The following EPHA6 variants were observed in gnomAD, a reference collection of about 807,000 sequenced individuals.
EPHA6 encodes the protein ephrin type-A receptor 6.
EPHA6 carries 50 observed loss-of-function variants against 112.0 expected under a neutral mutation model. The observed-to-expected ratio is 0.45, with a 90% CI of 0.36 to 0.56. The LOEUF is 0.56. Among genes scored for constraint, EPHA6 ranks in the 20% least tolerant of loss-of-function variants. The pLI is 0.00. For synonymous variants in EPHA6, 529 were observed against 490.7 expected (o/e 1.08, Z -1.03); for missense variants, 1,280 against 1,417.4 (o/e 0.90, Z 1.56).
At chr3:97,359,019 C>A (rs1226606563) in intron 5 of EPHA6, among the ~76,000 whole-genome samples, 7 of 149,350 alleles carry the variant, frequency 4.7e-5, no homozygotes, top group Non-Finnish European at 1.0e-4. Flanking sequence ...TTATAATGTG[C>A]CTTGCTATGG....
At chr3:97,107,978 C>T (rs2108275185) in intron 3 of EPHA6, among the ~76,000 whole-genome samples, 1 of 152,228 alleles carries the variant, frequency 6.6e-6, no homozygotes. Flanking sequence ...CTACATGATA[C>T]TATTCTAAGT....
At chr3:97,043,375 G>C (rs2045388762) in intron 3 of EPHA6, among the ~76,000 whole-genome samples, 1 of 152,114 alleles carries the variant, frequency 6.6e-6, no homozygotes, top group African/African-American at 2.4e-5. Flanking sequence ...ACATGTCCCA[G>C]AAAGGTACCT....
intron 5 of EPHA6, among the ~76,000 whole-genome samples, chr3:97,392,600 T>C (rs941004938): frequency 6.6e-6 from 1 of 151,796 alleles, no homozygotes; most frequent in Admixed American, 6.6e-5. Flanking sequence ...TTAAAATGTA[T>C]TAATTTCTTC....
chr3:97,317,021 C>G (rs2081874775), intron 5 of EPHA6, among the ~76,000 whole-genome samples: 1 of 151,768 alleles, frequency 6.6e-6, no homozygotes. Context: ...CTCTTTGACT[C>G]AATATGCTTT....
intron 3 of EPHA6, among the ~76,000 whole-genome samples, chr3:97,018,993 C>T (rs1376111019): frequency 6.6e-6 from 1 of 152,186 alleles, no homozygotes; most frequent in African/African-American, 2.4e-5. Flanking sequence ...TCTGGTCACT[C>T]CTCACTATGT....
At chr3:97,320,371 T>G (rs1308988649) in intron 5 of EPHA6, among the ~76,000 whole-genome samples, 1 of 151,952 alleles carries the variant, frequency 6.6e-6, no homozygotes. Context: ...AACCTTATTT[T>G]TATAAAATAA....
At chr3:97,331,181 A>G (rs2082778919) in intron 5 of EPHA6, among the ~76,000 whole-genome samples, 1 of 152,168 alleles carries the variant, frequency 6.6e-6, no homozygotes, top group African/African-American at 2.4e-5. Flanking sequence ...AGAAATAAAG[A>G]TGTTCTTTGA....
intron 4 of EPHA6, among the ~76,000 whole-genome samples, chr3:97,226,738 T>C (rs2078368533): frequency 6.6e-6 from 1 of 152,376 alleles, no homozygotes; most frequent in African/African-American, 2.4e-5. Flanking sequence ...TGAGAAGTTA[T>C]GAACAAAACT....
chr3:97,644,573 C>A (rs1315296564), intron 14 of EPHA6, among the ~76,000 whole-genome samples: 1 of 152,038 alleles, frequency 6.6e-6, no homozygotes, highest in African/African-American at 2.4e-5. Context: ...AGGGAAGAAT[C>A]AAATAGACAC....
At chr3:96,961,899 C>T (rs2041959235) in intron 2 of EPHA6, among the ~76,000 whole-genome samples, 1 of 152,076 alleles carries the variant, frequency 6.6e-6, no homozygotes, top group Non-Finnish European at 1.5e-5. Context: ...ATTCAGGGAG[C>T]ATGGGTTGGG....
chr3:97,509,643 T>C (rs1348533705), intron 10 of EPHA6, among the ~76,000 whole-genome samples: 2 of 152,162 alleles, frequency 1.3e-5, no homozygotes, highest in Non-Finnish European at 2.9e-5. Context: ...TCAACCTTAG[T>C]GAATCTGACG....
At chr3:97,466,571 T>C in intron 7 of EPHA6, 1 of 716,832 alleles carries the variant, frequency 1.4e-6, no homozygotes, top group Non-Finnish European at 2.5e-6. Flanking sequence ...GTCTCAGTTC[T>C]GTTTTCTTCT....
intron 3 of EPHA6, among the ~76,000 whole-genome samples, chr3:97,053,016 C>CA (rs1195580566): frequency 7.9e-5 from 12 of 152,012 alleles, no homozygotes; most frequent in Admixed American, 7.9e-4. Context: ...AAATGGCCTG[C>CA]AAAGCATAGC....
At chr3:96,835,291 G>A (rs1257303052) in intron 1 of EPHA6, among the ~76,000 whole-genome samples, 1 of 152,058 alleles carries the variant, frequency 6.6e-6, no homozygotes, top group Non-Finnish European at 1.5e-5. Flanking sequence ...AAGTGTTATA[G>A]ATGTGGTGAT....
At chr3:97,285,478 G>A (rs893418405) in intron 5 of EPHA6, among the ~76,000 whole-genome samples, 1 of 151,998 alleles carries the variant, frequency 6.6e-6, no homozygotes, top group African/African-American at 2.4e-5. Flanking sequence ...TGCAATACTA[G>A]TCTTTCTGTT....
rs560326839 is a variant in EPHA6, at chr3:97,384,534, A to G, written c.1607-20616A>G. On this transcript the variant is annotated intron_variant, in intron 5 of 17. Coordinates refer to ENST00000389672, the MANE Select transcript of EPHA6 (RefSeq NM_001080448.3). ...TATTTCAATGGAGAGGAAACCTAGT[A>G]TTATTTCAAAAGTTTGAAACACTTT... is the stretch of plus-strand genomic sequence containing the variant. Among the ~76,000 whole-genome samples the G allele has an allele frequency of 2.6e-5, 4 of 152,320 alleles. No individual in the cohort carries two copies. The South Asian group carries it at 6.2e-4, about 24-fold the overall frequency.
chr3:97,061,622 A>C (rs2046023640), intron 3 of EPHA6, among the ~76,000 whole-genome samples: 2 of 152,212 alleles, frequency 1.3e-5, no homozygotes, highest in Admixed American at 1.3e-4. Context: ...CTCGGGAAAT[A>C]GGGGATGAGA....
intron 12 of EPHA6, among the ~76,000 whole-genome samples, chr3:97,593,853 T>C (rs768438637): frequency 1.7e-4 from 26 of 152,188 alleles, no homozygotes; most frequent in Non-Finnish European, 3.5e-4. Flanking sequence ...AGAATACCAC[T>C]GAAAGAGCAG....
intron 5 of EPHA6, among the ~76,000 whole-genome samples, chr3:97,314,641 CA>C: frequency 6.6e-6 from 1 of 151,310 alleles, no homozygotes; most frequent in African/African-American, 2.4e-5. Flanking sequence ...TTTTTATAAG[CA>C]AGAGAATAAA....
Sources: gnomAD v4.1 joint callset for allele counts (sites outside exome capture counted in the v4.1 genomes callset) on GRCh38, gnomAD v4.1.1 for gene constraint, MANE v1.5 for transcripts, NCBI Gene and HGNC (gene_info 2026-07-23, HGNC 2026-07-21) for gene names.